Variants in RBM38 observed in about 807,000 individuals in gnomAD.
RBM38 encodes RNA-binding protein 38.
RBM38 carries 11 observed loss-of-function variants against 23.5 expected under a neutral mutation model. The ratio of observed to expected loss-of-function variants is 0.47; its 90% confidence interval spans 0.29 to 0.77. RBM38 has a LOEUF of 0.77. Ranked by LOEUF, RBM38 falls within the 30% of genes least tolerant of loss-of-function variation. The probability of loss-of-function intolerance (pLI) is 0.08; values close to 1 mark genes in which losing one functional copy is unlikely to be tolerated. For missense variants in RBM38, 330 were observed against 351.9 expected (o/e 0.94, Z 0.50); for synonymous variants, 165 against 166.1 (o/e 0.99, Z 0.05).
At chr20:57,404,108 A>G (rs1568812873) in intron 3 of RBM38, among the ~76,000 whole-genome samples, 1 of 152,212 alleles carries the variant, frequency 6.6e-6, no homozygotes, top group Non-Finnish European at 1.5e-5. Context: ...CTTGGTGGCC[A>G]AGGCAGCGCT....
At position 57,402,095 on chromosome 20, in the gene RBM38, G is replaced by T. The variant is rs570847945; in HGVS notation, c.417-5448G>T. On this transcript the variant is annotated intron_variant, in intron 3 of 3. Transcript: ENST00000356208. ...CCTGAGTAGCTGGGATTACAGGCAC[G>T]CACCACCACGCCCAGCTATTTTTGT... Among the ~76,000 whole-genome samples the T allele has an allele frequency of 2.5e-3, 384 of 152,216 alleles. 1 individual carries two copies. Among genetic ancestry groups the T allele is most frequent in the African/African-American group, 8.7e-3 (363 of 41,524 alleles).
intron 3 of RBM38, among the ~76,000 whole-genome samples, chr20:57,394,331 TGGGTCCCCTGGGGCCTGGCTCCC>T (rs1183687518): frequency 2.8e-5 from 1 of 35,520 alleles, no homozygotes; most frequent in African/African-American, 5.3e-5. Flanking sequence ...CCCAGGTGAA[TGGGTCCCCTGGGGCCTGGCTCCC>T]AGGTGAATGG....
At chr20:57,398,535 T>C (rs1026455597) in intron 3 of RBM38, among the ~76,000 whole-genome samples, 9 of 148,226 alleles carry the variant, frequency 6.1e-5, no homozygotes, top group Non-Finnish European at 1.2e-4. Flanking sequence ...TGTCTCGTGG[T>C]GGCCCCGCCG....
intron 3 of RBM38, among the ~76,000 whole-genome samples, chr20:57,398,637 C>A (rs1264314942): frequency 6.6e-6 from 1 of 152,276 alleles, no homozygotes; most frequent in East Asian, 1.9e-4. Context: ...GGCGCCCGTG[C>A]CGCACCTGTT....
intron 3 of RBM38, among the ~76,000 whole-genome samples, chr20:57,403,581 C>T (rs537741944): frequency 1.2e-4 from 18 of 152,284 alleles, no homozygotes; most frequent in East Asian, 5.8e-4. Flanking sequence ...CTCTGAACCT[C>T]GGATTTCCTC....
chr20:57,406,356 CAA>C (rs1409463034), intron 3 of RBM38, among the ~76,000 whole-genome samples: 1 of 152,160 alleles, frequency 6.6e-6, no homozygotes, highest in African/African-American at 2.4e-5. Context: ...GTGTTGGCCT[CAA>C]TGCGTTTCCA....
chr20:57,392,234 ACAT>A (rs1449718516), intron 1 of RBM38: 8 of 352,426 alleles, frequency 2.3e-5, no homozygotes, highest in Non-Finnish European at 3.3e-5. Context: ...CCCCAAATAA[ACAT>A]CAGCTTAAGT....
At chr20:57,394,000 A>G (rs1019626173) in intron 3 of RBM38, among the ~76,000 whole-genome samples, 1 of 151,888 alleles carries the variant, frequency 6.6e-6, no homozygotes, top group South Asian at 2.1e-4. Flanking sequence ...GGACACACAC[A>G]CTTAAGGGAT....
intron 3 of RBM38, among the ~76,000 whole-genome samples, chr20:57,400,729 C>G (rs966167808): frequency 6.6e-6 from 1 of 151,832 alleles, no homozygotes; most frequent in Non-Finnish European, 1.5e-5. Context: ...AACAGATCCG[C>G]CTCTGATTGG....
chr20:57,391,644 C>T lies in RBM38; in HGVS notation c.63C>T (p.Pro21=). Reference sequence around the variant, plus strand: ...GCTTCCCGCGGCCCCTGGCCGCCCCCGGCGCCATGCACGGCTCGCAGAAGG... The same window carrying T: ...GCTTCCCGCGGCCCCTGGCCGCCCCTGGCGCCATGCACGGCTCGCAGAAGG... The part of the protein sequence containing the change: ...SAGFPRPLAA[P]GAMHGSQKDT... The change falls in exon 1 of 4, where the codon CCC becomes CCT. Residue 21 remains proline (P), a synonymous_variant. Transcript: ENST00000356208. The T allele has an allele frequency of 6.8e-7, 1 of 1,477,302 alleles. No individual in the cohort carries two copies. Among genetic ancestry groups the T allele is most frequent in the Non-Finnish European group, 9.0e-7 (1 of 1,108,060 alleles). The allele number at this position is 1,477,302 out of a possible 1,614,324, so 91.5% of individuals were successfully genotyped here.
intron 3 of RBM38, among the ~76,000 whole-genome samples, chr20:57,395,801 G>C (rs564309533): frequency 6.6e-6 from 1 of 152,178 alleles, no homozygotes; most frequent in Non-Finnish European, 1.5e-5. Flanking sequence ...GGCCGTCAGC[G>C]TCCCTTTTGT....
intron 1 of RBM38, 54 bp downstream of exon 1, chr20:57,391,872 C>T (rs927621798): frequency 2.5e-4 from 329 of 1,295,842 alleles, no homozygotes; most frequent in African/African-American, 1.2e-3. Context: ...TATCGCGGCC[C>T]GGGCGCCGAG....
chr20:57,396,824 C>G (rs1012010848), intron 3 of RBM38, among the ~76,000 whole-genome samples: 2 of 152,206 alleles, frequency 1.3e-5, no homozygotes, highest in African/African-American at 4.8e-5. Flanking sequence ...CACAAGATGA[C>G]TGCCACGGCT....
chr20:57,392,614 T>TC (rs1217776709), intron 1 of RBM38, 40 bp from the exon 2 acceptor site: 1 of 1,584,178 alleles, frequency 6.3e-7, no homozygotes, highest in Non-Finnish European at 8.6e-7. Flanking sequence ...CGCCCCTGGT[T>TC]CCCCCCACGG....
intron 1 of RBM38, chr20:57,392,429 C>A (rs1455958387): frequency 6.5e-7 from 1 of 1,529,528 alleles, no homozygotes; most frequent in Non-Finnish European, 8.7e-7. Context: ...GCCACATTTC[C>A]CAGGCCTTGA....
chr20:57,400,846 G>T (rs2146212453), intron 3 of RBM38, among the ~76,000 whole-genome samples: 1 of 152,268 alleles, frequency 6.6e-6, no homozygotes, highest in Admixed American at 6.5e-5. Flanking sequence ...GAAGGAAACT[G>T]GAAGGGAAGG....
chr20:57,397,986 A>G (rs1369087141), intron 3 of RBM38, among the ~76,000 whole-genome samples: 1 of 152,130 alleles, frequency 6.6e-6, no homozygotes, highest in Non-Finnish European at 1.5e-5. Context: ...GTTTGTGTGT[A>G]ACTACACATG....
chr20:57,392,373 T>C, intron 1 of RBM38: 1 of 1,477,532 alleles, frequency 6.8e-7, no homozygotes, highest in Non-Finnish European at 9.0e-7. Context: ...CCCTTCGGGG[T>C]TCATTTTTGC....
At chr20:57,392,630 C>A (rs1482420209) in intron 1 of RBM38, 24 bp from the exon 2 acceptor site, 1 of 1,604,930 alleles carries the variant, frequency 6.2e-7, no homozygotes, top group African/African-American at 1.3e-5. Flanking sequence ...CACGGCAGCC[C>A]CTGATGTGTC....
Sources: gnomAD v4.1 joint callset for allele counts (sites outside exome capture counted in the v4.1 genomes callset) on GRCh38, gnomAD v4.1.1 for gene constraint, MANE v1.5 for transcripts, NCBI Gene and HGNC (gene_info 2026-07-23, HGNC 2026-07-21) for gene names.